CPED1: variants seen among roughly 807,000 people sequenced by gnomAD.
CPED1 encodes cadherin-like and PC-esterase domain-containing protein 1.
CPED1 carries 114 observed loss-of-function variants against 128.2 expected under a neutral mutation model. That is an observed-to-expected ratio of 0.89 (90% CI 0.76 to 1.04). CPED1 has a LOEUF of 1.04. CPED1 is among the 50% of genes least tolerant of loss of function. The probability of loss-of-function intolerance (pLI) is 0.00; values close to 1 mark genes in which losing one functional copy is unlikely to be tolerated. For synonymous variants in CPED1, 462 were observed against 426.7 expected, an observed-to-expected ratio of 1.08 and a Z score of -1.02; for missense variants, 1,211 against 1,207.1, an observed-to-expected ratio of 1.00 and a Z score of -0.05.
chr7:121,190,706 T>A (rs1271489960), intron 16 of CPED1, among the ~76,000 whole-genome samples: 1 of 152,138 alleles, frequency 6.6e-6, no homozygotes, highest in African/African-American at 2.4e-5. Flanking sequence ...AATACTTTTA[T>A]TTTATCTACT....
At chr7:121,112,077 G>A (rs1795125944) in intron 7 of CPED1, among the ~76,000 whole-genome samples, 1 of 152,116 alleles carries the variant, frequency 6.6e-6, no homozygotes, top group Admixed American at 6.6e-5. Flanking sequence ...TCGTCTTGTA[G>A]TCCACCTGAT....
intron 21 of CPED1, among the ~76,000 whole-genome samples, chr7:121,268,553 C>A (rs1379280640): frequency 6.6e-6 from 1 of 152,074 alleles, no homozygotes; most frequent in Non-Finnish European, 1.5e-5. Context: ...ATTCAAACTT[C>A]TCATCATGTG....
chr7:121,183,167 T>C (rs183692812), intron 16 of CPED1, among the ~76,000 whole-genome samples: 19 of 152,304 alleles, frequency 1.2e-4, no homozygotes, highest in African/African-American at 4.1e-4. Context: ...CTAGAAATCA[T>C]TGGGCTTATG....
intron 16 of CPED1, among the ~76,000 whole-genome samples, chr7:121,228,977 A>G (rs1456496454): frequency 1.3e-5 from 2 of 152,022 alleles, no homozygotes; most frequent in East Asian, 3.9e-4. Context: ...GAGTCTGGAA[A>G]GAATGAGTGG....
At chr7:121,010,806 A>G (rs1220165625) in intron 2 of CPED1, among the ~76,000 whole-genome samples, 1 of 152,176 alleles carries the variant, frequency 6.6e-6, no homozygotes, top group Non-Finnish European at 1.5e-5. Context: ...CTTCATTTGG[A>G]GAGGGACATG....
At chr7:121,266,509 C>A in intron 19 of CPED1, 62 bp downstream of exon 19, 1 of 1,360,778 alleles carries the variant, frequency 7.3e-7, no homozygotes, top group South Asian at 1.2e-5. Flanking sequence ...TGCTAGCAGT[C>A]GTCACTGCTC....
intron 16 of CPED1, among the ~76,000 whole-genome samples, chr7:121,218,548 A>T (rs1363540990): frequency 3.3e-5 from 5 of 151,946 alleles, no homozygotes; most frequent in Non-Finnish European, 5.9e-5. Context: ...TCCTGGGCAA[A>T]CCTACTTACT....
intron 22 of CPED1, among the ~76,000 whole-genome samples, chr7:121,273,942 G>A (rs1792283684): frequency 6.6e-6 from 1 of 152,180 alleles, no homozygotes; most frequent in South Asian, 2.1e-4. Context: ...AAGCAAGCCA[G>A]TGGTTGCCAA....
At chr7:121,028,723 T>C (rs1792658923) in intron 3 of CPED1, among the ~76,000 whole-genome samples, 1 of 152,224 alleles carries the variant, frequency 6.6e-6, no homozygotes, top group African/African-American at 2.4e-5. Flanking sequence ...TGTGAAACCA[T>C]GTCTAAATTG....
At chr7:121,285,766 C>T (rs919592461) in intron 22 of CPED1, among the ~76,000 whole-genome samples, 1 of 152,202 alleles carries the variant, frequency 6.6e-6, no homozygotes, top group Non-Finnish European at 1.5e-5. Flanking sequence ...AAGTTCCAAA[C>T]TTTCCCATAT....
At chr7:121,002,553 G>A (rs1463005285) in intron 2 of CPED1, among the ~76,000 whole-genome samples, 1 of 152,102 alleles carries the variant, frequency 6.6e-6, no homozygotes, top group East Asian at 1.9e-4. Flanking sequence ...ACTTATCTAA[G>A]TATTTTAGAA....
chr7:121,003,967 G>A (rs911973205), intron 2 of CPED1, among the ~76,000 whole-genome samples: 2 of 152,192 alleles, frequency 1.3e-5, no homozygotes, highest in Non-Finnish European at 2.9e-5. Flanking sequence ...TATGTGGAAT[G>A]TGGTACCTCT....
At chr7:121,136,454 G>A (rs913369147) in intron 14 of CPED1, among the ~76,000 whole-genome samples, 2 of 152,040 alleles carry the variant, frequency 1.3e-5, no homozygotes, top group African/African-American at 4.8e-5. Flanking sequence ...GATTGTTGCT[G>A]TAATGGTTAG....
chr7:121,226,307 C>A (rs760212854), intron 16 of CPED1, among the ~76,000 whole-genome samples: 8 of 151,996 alleles, frequency 5.3e-5, no homozygotes, highest in Non-Finnish European at 1.0e-4. Context: ...GTGTCACCAG[C>A]CGAGGCTTGG....
At chr7:121,032,178 A>G (rs972376243) in intron 3 of CPED1, among the ~76,000 whole-genome samples, 2 of 152,202 alleles carry the variant, frequency 1.3e-5, no homozygotes, top group Non-Finnish European at 2.9e-5. Context: ...ATTATAAAGT[A>G]TATACCTAAA....
At chr7:121,121,152 T>C (rs1251353060) in intron 7 of CPED1, among the ~76,000 whole-genome samples, 1 of 150,968 alleles carries the variant, frequency 6.6e-6, no homozygotes, top group Non-Finnish European at 1.5e-5. Context: ...ATGGGAGGAG[T>C]TGTAAAATAT....
chr7:121,106,181 A>T lies in CPED1; in HGVS notation c.918+6087A>T, dbSNP rs542781572. Among the ~76,000 whole-genome samples the T allele has an allele frequency of 3.3e-5, 5 of 152,252 alleles. No homozygotes were observed. In the East Asian group the frequency reaches 9.7e-4, roughly 29 times the overall value. On this transcript the variant is annotated intron_variant, in intron 7 of 22. Transcript: ENST00000310396. The stretch of plus-strand genomic sequence containing the variant: ...ATATGATTTAAGAGCAGGTTCTACA[A>T]CAGAAGATAGTATTATGGATTTACA...
At chr7:121,220,601 A>G (rs150901165) in intron 16 of CPED1, among the ~76,000 whole-genome samples, 22 of 152,106 alleles carry the variant, frequency 1.4e-4, no homozygotes, top group Non-Finnish European at 2.4e-4. Flanking sequence ...AACAAATACA[A>G]CTTCAAAGAG....
intron 5 of CPED1, among the ~76,000 whole-genome samples, chr7:121,080,093 T>A (rs945272982): frequency 2.0e-5 from 3 of 152,182 alleles, no homozygotes. Context: ...GGCTAACACA[T>A]GAACTTCAAG....
Sources: gnomAD v4.1 joint callset for allele counts (sites outside exome capture counted in the v4.1 genomes callset) on GRCh38, gnomAD v4.1.1 for gene constraint, MANE v1.5 for transcripts, NCBI Gene and HGNC (gene_info 2026-07-23, HGNC 2026-07-21) for gene names.